The following MCM4 variants were observed in gnomAD, a reference collection of about 807,000 sequenced individuals.
MCM4 encodes minichromosome maintenance complex component 4, also known as DNA replication licensing factor MCM4.
In MCM4, 60 loss-of-function variants were observed where a neutral mutation model predicts 88.7. The ratio of observed to expected loss-of-function variants is 0.68; its 90% confidence interval spans 0.55 to 0.84. The LOEUF is 0.84. Ranked by LOEUF, MCM4 falls within the 40% of genes least tolerant of loss-of-function variation. MCM4 has a pLI of 0.00. For synonymous variants in MCM4, 465 were observed against 410.5 expected, an observed-to-expected ratio of 1.13 and a Z score of -1.61; for missense variants, 1,149 against 1,105.5, an observed-to-expected ratio of 1.04 and a Z score of -0.56.
chr8:47,976,083 A>G (rs1419248080), intron 16 of MCM4, among the ~76,000 whole-genome samples: 1 of 152,276 alleles, frequency 6.6e-6, no homozygotes, highest in East Asian at 1.9e-4. Flanking sequence ...ACTTGCAGCC[A>G]GGAGTTTGAA....
intron 10 of MCM4, 98 bp from the exon 11 acceptor site, chr8:47,969,700 G>T: frequency 7.9e-7 from 1 of 1,263,124 alleles, no homozygotes; most frequent in Non-Finnish European, 1.1e-6. Flanking sequence ...CCGACGTGGT[G>T]CCTCGCTCTG....
chr8:47,975,612 C>T, intron 15 of MCM4, 103 bp from the exon 16 acceptor site: 1 of 820,988 alleles, frequency 1.2e-6, no homozygotes, highest in Non-Finnish European at 1.8e-6. Context: ...GCCCCTGTCG[C>T]CTTATCTTTC....
At chr8:47,963,794 A>G (rs2090870820) in intron 7 of MCM4, among the ~76,000 whole-genome samples, 1 of 152,226 alleles carries the variant, frequency 6.6e-6, no homozygotes, top group Non-Finnish European at 1.5e-5. Flanking sequence ...AGGCAAGCAG[A>G]CTTGGTTTTT....
In MCM4 at chr8:47,969,544, C is replaced by T. The variant is rs2090931837; in HGVS notation, c.1175-254C>T. On this transcript the variant is annotated intron_variant, in intron 10 of 16. Coordinates refer to ENST00000649973, the MANE Select transcript of MCM4 (RefSeq NM_182746.3). The stretch of plus-strand genomic sequence containing the variant: ...AAGTGCTAGGATTACAGACATGAGC[C>T]ACCTTGGTTCTTTCGAGCTTGTCCG... 6.8e-5 allele frequency: 34 copies of T among 501,374 alleles called. No homozygotes were observed. The South Asian group carries it at 7.8e-4, about 11-fold the overall frequency. The allele number at this position is 501,374 out of a possible 1,614,324, so 31.1% of individuals were successfully genotyped here.
Position 47,961,153 on chromosome 8 carries a change from C to G in MCM4, c.9C>G (p.Ser3=). ...CAGGTACTCCGAGCACTATGTCGTCCCCGGCGTCGACCCCGAGCCGCCGCG... is the reference window on the plus strand; with the variant it reads ...CAGGTACTCCGAGCACTATGTCGTCGCCGGCGTCGACCCCGAGCCGCCGCG... MS[S]PASTPSRRGS... The change falls in exon 2 of 17, where the codon TCC becomes TCG. Residue 3 remains serine, a synonymous_variant. Coordinates refer to ENST00000649973, the MANE Select transcript of MCM4 (RefSeq NM_182746.3). The G allele has an allele frequency of 3.2e-6, 5 of 1,553,176 alleles. No homozygotes were observed. Among genetic ancestry groups the G allele is most frequent in the Non-Finnish European group, 4.3e-6 (5 of 1,159,680 alleles).
intron 13 of MCM4, among the ~76,000 whole-genome samples, chr8:47,972,600 A>T (rs1033066859): frequency 6.6e-6 from 1 of 152,098 alleles, no homozygotes; most frequent in Non-Finnish European, 1.5e-5. Context: ...TCTGTCGGCC[A>T]GGCTGGAGTG....
intron 5 of MCM4, 99 bp from the exon 6 acceptor site, chr8:47,962,663 TTC>T: frequency 1.3e-6 from 1 of 756,744 alleles, no homozygotes; most frequent in Non-Finnish European, 2.3e-6. Flanking sequence ...TATTATTTAT[TTC>T]TGTCTCCTGA....
chr8:47,961,578 A>T lies in MCM4; in HGVS notation c.133A>T (p.Thr45Ser). 1 of 1,614,162 alleles carries T rather than the reference A, an allele frequency of 6.2e-7. No homozygotes were observed. The highest frequency in any genetic ancestry group is 8.5e-7 in the Non-Finnish European group (1 of 1,180,024). The change falls in exon 3 of 17, where the codon ACG (threonine) becomes TCG (serine). Residue 45 changes from threonine to serine, a missense_variant. Physicochemically the swap from Thr to Ser is moderately conservative, Grantham distance 58. Around this residue, in one of 3 missense-constraint regions of MCM4, gnomAD observed 906 missense variants for 843.0 expected, o/e 1.07. Coordinates refer to ENST00000649973, the MANE Select transcript of MCM4 (RefSeq NM_182746.3). ...QRRRGEDSTSTGELQPMPTSP... is the reference protein window; with the variant it reads ...QRRRGEDSTSSGELQPMPTSP... ...ACGTAGAGGCGAGGATTCCACCTCC[A>T]CGGGGGAGTTGCAGCCGATGCCAAC...
Position 47,978,021 on chromosome 8 carries a change from C to A in MCM4, c.*1243C>A, listed in dbSNP as rs1308246676. 1 of 152,082 alleles carries A rather than the reference C, an allele frequency of 6.6e-6. No individual in the cohort carries two copies. Among genetic ancestry groups the A allele is most frequent in the African/African-American group, 2.4e-5 (1 of 41,414 alleles). 9.4% of individuals were successfully genotyped at this position (152,082 alleles called of 1,614,324 possible). ...TTGTAGGGGTAAGTATTTTATAGGT[C>A]ATAAAAAACACCATAATATAACGAA... On this transcript the variant is annotated 3_prime_UTR_variant, in exon 17 of 17. Coordinates refer to ENST00000649973, the MANE Select transcript of MCM4 (RefSeq NM_182746.3).
At chr8:47,976,608 A>G (rs1326051180) in intron 16 of MCM4, 78 bp from the exon 17 acceptor site, 6 of 1,037,986 alleles carry the variant, frequency 5.8e-6, no homozygotes, top group South Asian at 1.3e-5. Flanking sequence ...GTACTTTAAC[A>G]TTATAATTAT....
intron 13 of MCM4, among the ~76,000 whole-genome samples, chr8:47,972,235 CAAAAAAA>C (rs779237498): frequency 1.6e-5 from 1 of 62,034 alleles, no homozygotes; most frequent in African/African-American, 5.3e-5. Flanking sequence ...GACTCTGTCT[CAAAAAAA>C]AAAAAAAAAA....
intron 2 of MCM4, 59 bp downstream of exon 2, chr8:47,961,273 C>G (rs1344555462): frequency 7.0e-7 from 1 of 1,429,842 alleles, no homozygotes; most frequent in African/African-American, 1.5e-5. Context: ...TGCCCTCTCG[C>G]CGCAGCTGGC....
Position 47,973,004 on chromosome 8 carries a change from C to T in MCM4, c.2076C>T (p.Ala692=). ...LDMAVLKDYI[A]YAHSTIMPRL... ...TGGCGGTGCTAAAGGACTACATTGCCTACGCGCACAGCACCATCATGCCGC... is the reference window on the plus strand; with the variant it reads ...TGGCGGTGCTAAAGGACTACATTGCTTACGCGCACAGCACCATCATGCCGC... Residue 692 remains alanine, a synonymous_variant, in exon 14 of 17, where the codon GCC becomes GCT. Coordinates refer to ENST00000649973, the MANE Select transcript of MCM4 (RefSeq NM_182746.3). The T allele has an allele frequency of 6.2e-7, 1 of 1,614,118 alleles. No homozygotes were observed. Among genetic ancestry groups the T allele is most frequent in the Non-Finnish European group, 8.5e-7 (1 of 1,180,038 alleles).
At position 47,967,462 on chromosome 8, in the gene MCM4, C is replaced by A. The variant is rs776082397; in HGVS notation, c.1151C>A (p.Pro384His). 3.7e-6 allele frequency: 6 copies of A among 1,614,198 alleles called. No individual in the cohort carries two copies. The highest frequency in any genetic ancestry group is 1.7e-6 in the Non-Finnish European group (2 of 1,180,026). Reference protein sequence around the residue: ...AHNDLVDKVQPGDRVNVTGIY... With the variant: ...AHNDLVDKVQHGDRVNVTGIY... Reference sequence around the variant, plus strand: ...AATGATCTCGTTGACAAGGTCCAGCCTGGGGACAGAGTGAATGTTACAGGT... The same window carrying A: ...AATGATCTCGTTGACAAGGTCCAGCATGGGGACAGAGTGAATGTTACAGGT... Residue 384 changes from proline (P) to histidine (H), a missense_variant, in exon 10 of 17, where the codon CCT (proline) becomes CAT (histidine). Transcript: ENST00000649973.
In MCM4 at chr8:47,968,348, G is replaced by A. The variant is rs117475846; in HGVS notation, c.1174+863G>A. ...CAGTTATCACTGGCAATCTTCCGTC[G>A]TAAAAGTACTTGAAGTCATGGAGAA... On this transcript the variant is annotated intron_variant, in intron 10 of 16. Coordinates refer to ENST00000649973, the MANE Select transcript of MCM4 (RefSeq NM_182746.3). Among the ~76,000 whole-genome samples the A allele has an allele frequency of 2.2e-3, 339 of 152,318 alleles. 2 individuals are homozygous for A. The highest frequency in any genetic ancestry group is 3.8e-3 in the Non-Finnish European group (259 of 68,032).
At chr8:47,961,742 A>G (rs781235988) in intron 3 of MCM4, 62 bp downstream of exon 3, 378 of 1,529,822 alleles carry the variant, frequency 2.5e-4, no homozygotes, top group Non-Finnish European at 3.1e-4. Context: ...TTATCTGCTC[A>G]GGTTTACTGG....
chr8:47,961,875 G>T, intron 3 of MCM4, 178 bp from the exon 4 acceptor site: 1 of 900,794 alleles, frequency 1.1e-6, no homozygotes, highest in South Asian at 1.8e-5. Flanking sequence ...AGCAGAGGAA[G>T]CAGCTTCTCT....
chr8:47,966,239 G>A lies in MCM4; in HGVS notation c.885G>A (p.Leu295=). Reference sequence around the variant, plus strand: ...GCATGGTGATCAGGACATCCCAGCTGATTCCCGAGATGCAGGAGGCCTTCT... The same window carrying A: ...GCATGGTGATCAGGACATCCCAGCTAATTCCCGAGATGCAGGAGGCCTTCT... ...ISGMVIRTSQ[L]IPEMQEAFFQ... is the part of the protein sequence containing the mutation. Residue 295 remains leucine, a synonymous_variant, in exon 9 of 17, where the codon CTG becomes CTA. Transcript: ENST00000649973. 1 of 1,614,092 alleles carries A rather than the reference G, an allele frequency of 6.2e-7. No individual in the cohort carries two copies. The highest frequency in any genetic ancestry group is 1.1e-5 in the South Asian group (1 of 91,072).
At chr8:47,965,107 C>T (rs980720840) in intron 8 of MCM4, among the ~76,000 whole-genome samples, 1 of 151,792 alleles carries the variant, frequency 6.6e-6, no homozygotes, top group Non-Finnish European at 1.5e-5. Context: ...CGGCTACTCT[C>T]GGGAGGCTGA....
Sources: allele counts gnomAD v4.1 joint callset (sites outside exome capture counted in the v4.1 genomes callset), GRCh38; gene constraint gnomAD v4.1.1; regional missense constraint gnomAD v4.1.1; transcripts MANE v1.5; gene names NCBI Gene and HGNC (gene_info 2026-07-23, HGNC 2026-07-21).